The following HSD17B3 variants were observed in gnomAD, a reference collection of about 807,000 sequenced individuals.
HSD17B3 encodes the protein 17-beta-hydroxysteroid dehydrogenase type 3.
HSD17B3 carries 29 observed loss-of-function variants against 41.1 expected under a neutral mutation model. The observed-to-expected ratio is 0.71, with a 90% CI of 0.53 to 0.96. The LOEUF (loss-of-function observed/expected upper bound fraction) is 0.96, where lower values mean the gene tolerates loss of function less well. Among genes scored for constraint, HSD17B3 ranks in the 40% least tolerant of loss-of-function variants. The pLI is 0.00. For missense variants in HSD17B3, 323 were observed against 374.6 expected, an observed-to-expected ratio of 0.86 and a Z score of 1.14; for synonymous variants, 126 against 145.6, an observed-to-expected ratio of 0.87 and a Z score of 0.97.
intron 6 of HSD17B3, among the ~76,000 whole-genome samples, chr9:96,248,875 A>G (rs1587723458): frequency 6.6e-6 from 1 of 151,710 alleles, no homozygotes; most frequent in East Asian, 1.9e-4. Context: ...TGAATGCTGA[A>G]TGGTGCCTAA....
chr9:96,279,210 C>G (rs1180483153), intron 2 of HSD17B3, among the ~76,000 whole-genome samples: 1 of 152,192 alleles, frequency 6.6e-6, no homozygotes, highest in Non-Finnish European at 1.5e-5. Flanking sequence ...AGTGGCACAG[C>G]CTCAGGAGGT....
chr9:96,288,936 C>CA (rs11324337), intron 2 of HSD17B3, among the ~76,000 whole-genome samples: 16 of 135,224 alleles, frequency 1.2e-4, no homozygotes, highest in Admixed American at 8.7e-4. Context: ...GACTCCGTCT[C>CA]AAAAAAAAAA....
chr9:96,284,487 G>A (rs1826831223), intron 2 of HSD17B3, among the ~76,000 whole-genome samples: 1 of 152,136 alleles, frequency 6.6e-6, no homozygotes, highest in African/African-American at 2.4e-5. Flanking sequence ...AAAAGAATCT[G>A]TTTTCTTTTG....
chr9:96,292,494 C>T (rs755480395), intron 2 of HSD17B3, among the ~76,000 whole-genome samples: 1 of 152,016 alleles, frequency 6.6e-6, no homozygotes, highest in African/African-American at 2.4e-5. Flanking sequence ...ATTACAGGTG[C>T]CCACCATCAT....
intron 2 of HSD17B3, among the ~76,000 whole-genome samples, chr9:96,261,209 T>TGGA (rs143864676): frequency 6.6e-6 from 1 of 151,428 alleles, no homozygotes; most frequent in Non-Finnish European, 1.5e-5. Flanking sequence ...GATGGAGCCT[T>TGGA]CTGCTGCCAA....
intron 2 of HSD17B3, among the ~76,000 whole-genome samples, chr9:96,272,446 T>TATATATATATAA (rs34436322): frequency 2.4e-4 from 21 of 85,808 alleles, no homozygotes; most frequent in South Asian, 1.4e-3. Context: ...TATATATATA[T>TATATATATATAA]AAAATATATA....
chr9:96,272,373 ATCTCTCTCTCTC>A (rs373017603), intron 2 of HSD17B3, among the ~76,000 whole-genome samples: 1 of 4,414 alleles, frequency 2.3e-4, no homozygotes, highest in Non-Finnish European at 5.0e-4. Context: ...GTAAGACTGC[ATCTCTCTCTCTC>A]TCTCTCTCTC....
chr9:96,237,614 G>A (rs149926533), intron 10 of HSD17B3, among the ~76,000 whole-genome samples: 21 of 152,264 alleles, frequency 1.4e-4, no homozygotes, highest in South Asian at 2.1e-4. Context: ...TAAAAGGGTC[G>A]CTTATTTACC....
chr9:96,254,491 G>C (rs1340781535), intron 3 of HSD17B3, among the ~76,000 whole-genome samples: 34 of 152,238 alleles, frequency 2.2e-4, no homozygotes, highest in Admixed American at 2.2e-3. Flanking sequence ...TGCTGTGATT[G>C]ATCCATGAAA....
Position 96,287,582 on chromosome 9 carries a change from C to T in HSD17B3, c.201+10834G>A, listed in dbSNP as rs187455654. On this transcript the variant is annotated intron_variant, in intron 2 of 10. Coordinates refer to ENST00000375263, the MANE Select transcript of HSD17B3 (RefSeq NM_000197.2). ...AAAATTAGCCAGGCATGGTGGCACACGCCTGTAGTCCCAGCTACCAGGGAG... is the reference window on the plus strand; with the variant it reads ...AAAATTAGCCAGGCATGGTGGCACATGCCTGTAGTCCCAGCTACCAGGGAG... Among the ~76,000 whole-genome samples, 1,233 of 152,084 alleles carry T rather than the reference C, an allele frequency of 8.1e-3. 12 individuals are homozygous for T. The highest frequency in any genetic ancestry group is 0.011 in the Non-Finnish European group (718 of 67,968).
intron 2 of HSD17B3, among the ~76,000 whole-genome samples, chr9:96,286,711 AAC>A: frequency 6.6e-6 from 1 of 151,984 alleles, no homozygotes; most frequent in Non-Finnish European, 1.5e-5. Flanking sequence ...ACAAAAAAAA[AAC>A]CAAGATGGCA....
At chr9:96,243,420 T>C (rs1383906486) in intron 9 of HSD17B3, among the ~76,000 whole-genome samples, 3 of 152,226 alleles carry the variant, frequency 2.0e-5, no homozygotes, top group Non-Finnish European at 2.9e-5. Flanking sequence ...CATTAACTCA[T>C]ATCTGCCTAC....
intron 2 of HSD17B3, among the ~76,000 whole-genome samples, chr9:96,277,061 C>G (rs947027669): frequency 2.0e-5 from 3 of 151,872 alleles, no homozygotes; most frequent in African/African-American, 7.3e-5. Flanking sequence ...ATTAGCTGGG[C>G]GTGGTGGCAG....
chr9:96,291,964 G>GA lies in HSD17B3; in HGVS notation c.201+6451dup, dbSNP rs56286830. On this transcript the variant is annotated intron_variant, in intron 2 of 10. Transcript: ENST00000375263. ...AGAGTGAGACACCATCTCAAAAAAA[G>GA]AAAAAAAAAAGTTCAATAAACCATT... 4.0e-4 allele frequency among the ~76,000 whole-genome samples: 57 copies of GA among 142,408 alleles called. 1 individual carries two copies. The highest frequency in any genetic ancestry group is 7.3e-4 in the Non-Finnish European group (47 of 64,576). The allele number at this position is 142,408 out of a possible 152,430, so 93.4% of individuals were successfully genotyped here.
chr9:96,283,661 T>G (rs1826793619), intron 2 of HSD17B3, among the ~76,000 whole-genome samples: 1 of 152,150 alleles, frequency 6.6e-6, no homozygotes, highest in African/African-American at 2.4e-5. Flanking sequence ...GGTAACCAAA[T>G]TTCCTTTGTC....
In HSD17B3 at chr9:96,254,830, G is replaced by A. The variant is rs1317954046; in HGVS notation, c.277+38C>T. The A allele has an allele frequency of 9.6e-6, 15 of 1,557,778 alleles. No individual in the cohort carries two copies. In the Admixed American group the frequency reaches 2.3e-4, roughly 24 times the overall value. ...TGGTGGGAGCAGGCTTGGTTGGAGG[G>A]CTCCACACACATCTCCCTTATTTGG... On this transcript the variant is annotated intron_variant, in intron 3 of 10. Transcript: ENST00000375263.
At chr9:96,297,292 A>T (rs528954855) in intron 2 of HSD17B3, among the ~76,000 whole-genome samples, 1 of 145,216 alleles carries the variant, frequency 6.9e-6, no homozygotes, top group African/African-American at 2.6e-5. Flanking sequence ...TTATTTTTCT[A>T]TTGCAAATGG....
intron 2 of HSD17B3, among the ~76,000 whole-genome samples, chr9:96,294,995 C>A (rs549790442): frequency 2.1e-5 from 3 of 142,178 alleles, no homozygotes; most frequent in African/African-American, 7.8e-5. Context: ...GGGTCAGACA[C>A]GAGGAGCTTT....
chr9:96,277,841 A>G (rs1826529575), intron 2 of HSD17B3, among the ~76,000 whole-genome samples: 1 of 59,794 alleles, frequency 1.7e-5, no homozygotes, highest in African/African-American at 5.5e-5. Flanking sequence ...TGTGGCACAC[A>G]CACACACACA....
Sources: gnomAD v4.1 joint callset for allele counts (sites outside exome capture counted in the v4.1 genomes callset) on GRCh38, gnomAD v4.1.1 for gene constraint, MANE v1.5 for transcripts, NCBI Gene and HGNC (gene_info 2026-07-23, HGNC 2026-07-21) for gene names.